PLEKHA8: variants seen among roughly 807,000 people sequenced by gnomAD.
PLEKHA8 encodes the protein pleckstrin homology domain-containing family A member 8.
PLEKHA8 carries 36 observed loss-of-function variants against 68.2 expected under a neutral mutation model. The observed-to-expected ratio is 0.53, with a 90% confidence interval of 0.40 to 0.70. The LOEUF (loss-of-function observed/expected upper bound fraction) is 0.70, where lower values mean the gene tolerates loss of function less well. Among genes scored for constraint, PLEKHA8 ranks in the 30% least tolerant of loss-of-function variants. PLEKHA8 has a pLI of 0.00. For missense variants in PLEKHA8, 505 were observed against 615.4 expected (o/e 0.82, Z 1.90); for synonymous variants, 211 against 216.1 (o/e 0.98, Z 0.20).
chr7:30,057,358 G>A (rs1017553725), intron 9 of PLEKHA8, among the ~76,000 whole-genome samples: 7 of 151,716 alleles, frequency 4.6e-5, no homozygotes, highest in South Asian at 4.1e-4. Flanking sequence ...TCAGTAGTTC[G>A]TTCCTTTTTA....
At chr7:30,110,821 T>G (rs1025276596) in intron 13 of PLEKHA8, among the ~76,000 whole-genome samples, 1 of 152,250 alleles carries the variant, frequency 6.6e-6, no homozygotes, top group Non-Finnish European at 1.5e-5. Context: ...TTTCATGTGC[T>G]TATTAGCAAT....
intron 13 of PLEKHA8, among the ~76,000 whole-genome samples, chr7:30,096,617 A>C (rs1467750190): frequency 6.6e-6 from 1 of 152,136 alleles, no homozygotes; most frequent in Non-Finnish European, 1.5e-5. Context: ...TTGTTGGTTT[A>C]AAGTCTGTTT....
chr7:30,050,316 G>T, intron 5 of PLEKHA8, 118 bp from the exon 6 acceptor site: 2 of 1,316,470 alleles, frequency 1.5e-6, no homozygotes, highest in South Asian at 1.6e-5. Context: ...TTGTTTAGTG[G>T]GGCTAGTGTA....
At chr7:30,036,305 G>A (rs758325862) in intron 1 of PLEKHA8, among the ~76,000 whole-genome samples, 7 of 152,056 alleles carry the variant, frequency 4.6e-5, no homozygotes, top group Non-Finnish European at 8.8e-5. Context: ...TAGATAGAGT[G>A]AGACTGTGTC....
intron 3 of PLEKHA8, 95 bp downstream of exon 3, chr7:30,046,460 G>T: frequency 1.4e-6 from 2 of 1,397,116 alleles, no homozygotes; most frequent in Non-Finnish European, 9.6e-7. Context: ...TGACCACCTA[G>T]CCAGCTTTTT....
chr7:30,115,881 C>T (rs998778459), intron 13 of PLEKHA8: 3 of 144,082 alleles, frequency 2.1e-5, no homozygotes, highest in Non-Finnish European at 4.6e-5. Context: ...TGTAGGCACG[C>T]ATACATGCGT....
At chr7:30,030,153 T>TC (rs1460726251) in intron 1 of PLEKHA8, among the ~76,000 whole-genome samples, 2 of 152,222 alleles carry the variant, frequency 1.3e-5, no homozygotes, top group Non-Finnish European at 2.9e-5. Flanking sequence ...CTGAGGTCTC[T>TC]CTAAGCTCTC....
intron 13 of PLEKHA8, chr7:30,115,966 ACATGTGCATG>A (rs1261322535): frequency 1.7e-4 from 22 of 133,014 alleles, no homozygotes; most frequent in African/African-American, 6.0e-4. Flanking sequence ...ATGCATGCAT[ACATGTGCATG>A]CATGCATGTA....
Position 30,056,557 on chromosome 7 carries a change from C to T in PLEKHA8, c.1039+1215C>T, listed in dbSNP as rs552650356. On this transcript the variant is annotated intron_variant, in intron 9 of 13. Transcript: ENST00000449726. ...CAGCCTGGCCAACATGGTAAAACCCCGTCTCTACTAAAAATACAAAAATTA... is the reference window on the plus strand; with the variant it reads ...CAGCCTGGCCAACATGGTAAAACCCTGTCTCTACTAAAAATACAAAAATTA... Among the ~76,000 whole-genome samples, 13 of 147,538 alleles carry T rather than the reference C, an allele frequency of 8.8e-5. No homozygotes were observed. The East Asian group carries it at 1.2e-3, about 14-fold the overall frequency.
At chr7:30,074,550 C>A (rs571703051) in intron 13 of PLEKHA8, among the ~76,000 whole-genome samples, 171 of 152,138 alleles carry the variant, frequency 1.1e-3, no homozygotes, top group African/African-American at 4.1e-3. Flanking sequence ...AGCAGAAGTA[C>A]GTAGGAAGCA....
At position 30,083,091 on chromosome 7, in the gene PLEKHA8, TA is replaced by T. The variant is rs1562539468; in HGVS notation, c.*4308del. ...AATTTTTAGATGTAGAGTTTATAAG[TA>T]AAATATATTTTTAGCCATTGTTCTG... On this transcript the variant is annotated 3_prime_UTR_variant, in exon 14 of 14. Coordinates refer to ENST00000449726, the MANE Select transcript of PLEKHA8 (RefSeq NM_001197026.2). 1.0e-6 allele frequency: 1 copy of T among 983,806 alleles called. No individual in the cohort carries two copies. The highest frequency in any genetic ancestry group is 4.7e-5 in the South Asian group (1 of 21,258). 60.9% of individuals were successfully genotyped at this position (983,806 alleles called of 1,614,324 possible).
chr7:30,070,664 G>A lies in PLEKHA8; in HGVS notation c.1301-3407G>A, dbSNP rs145681125. ...CAGGTTCAAGCAATTCTCTGCCTCA[G>A]TCTCCCGAGTAGCTGGGATTACGGG... On this transcript the variant is annotated intron_variant, in intron 12 of 13. Coordinates refer to ENST00000449726, the MANE Select transcript of PLEKHA8 (RefSeq NM_001197026.2). 4.9e-3 allele frequency among the ~76,000 whole-genome samples: 741 copies of A among 151,544 alleles called. 10 individuals are homozygous for A. The highest frequency in any genetic ancestry group is 0.017 in the African/African-American group (712 of 41,276).
rs1792224075 is a variant in PLEKHA8 at position 30,049,357 on chromosome 7, A to G, written c.572A>G (p.Gln191Arg). ...TACCGCACTCCACCAGGATCACCTCAGCTGGCCATGCTCAAGTCCAGCAAG... is the reference window on the plus strand; with the variant it reads ...TACCGCACTCCACCAGGATCACCTCGGCTGGCCATGCTCAAGTCCAGCAAG... ...LLYRTPPGSPQLAMLKSSKMK... is the reference protein window; with the variant it reads ...LLYRTPPGSPRLAMLKSSKMK... Residue 191 changes from glutamine (Q) to arginine (R), a missense_variant, in exon 5 of 14, where the codon CAG (glutamine) becomes CGG (arginine). By Grantham distance (43) the Gln-to-Arg change is conservative. Transcript: ENST00000449726. 3 of 1,614,128 alleles carry G rather than the reference A, an allele frequency of 1.9e-6. No individual in the cohort carries two copies. The highest frequency in any genetic ancestry group is 1.7e-6 in the Non-Finnish European group (2 of 1,179,988).
At chr7:30,062,274 C>G (rs1793503682) in intron 11 of PLEKHA8, among the ~76,000 whole-genome samples, 1 of 152,062 alleles carries the variant, frequency 6.6e-6, no homozygotes, top group South Asian at 2.1e-4. Flanking sequence ...ACTGGCTTCT[C>G]TTTAAATCAG....
chr7:30,083,815 C>T lies in PLEKHA8; in HGVS notation c.*5028C>T, dbSNP rs139875269. On this transcript the variant is annotated 3_prime_UTR_variant, in exon 14 of 14. Coordinates refer to ENST00000449726, the MANE Select transcript of PLEKHA8 (RefSeq NM_001197026.2). ...ATATTTAAAGTGTGGTCAGTATTTCCTCCCTGTACCTTACAAACAGAAACC... is the reference window on the plus strand; with the variant it reads ...ATATTTAAAGTGTGGTCAGTATTTCTTCCCTGTACCTTACAAACAGAAACC... The T allele has an allele frequency of 1.1e-4, 107 of 985,296 alleles. 1 individual carries two copies. The African/African-American group carries it at 1.7e-3, about 16-fold the overall frequency. The allele number at this position is 985,296 out of a possible 1,614,324, so 61.0% of individuals were successfully genotyped here.
intron 1 of PLEKHA8, among the ~76,000 whole-genome samples, chr7:30,035,686 C>T (rs1203646728): frequency 6.6e-6 from 1 of 151,902 alleles, no homozygotes; most frequent in African/African-American, 2.4e-5. Flanking sequence ...GCTCTGTCGC[C>T]CAGGCTGGAG....
intron 1 of PLEKHA8, among the ~76,000 whole-genome samples, chr7:30,040,420 A>T (rs907574342): frequency 1.8e-4 from 27 of 152,248 alleles, no homozygotes; most frequent in African/African-American, 6.5e-4. Context: ...AAGACCAAAG[A>T]AAAAAGAAAC....
rs757434070 is a variant in PLEKHA8 at position 30,050,447 on chromosome 7, T to C, written c.611T>C (p.Ile204Thr). 21 of 1,579,138 alleles carry C rather than the reference T, an allele frequency of 1.3e-5. No homozygotes were observed. Among genetic ancestry groups the C allele is most frequent in the Admixed American group, 1.9e-5 (1 of 52,330 alleles). Residue 204 changes from isoleucine to threonine, a missense_variant, in exon 6 of 14, where the codon ATT (isoleucine) becomes ACT (threonine). Transcript: ENST00000449726. ...CTTCTTTTAAAGATGAAACATCCTATTATACCAATTCATAATTCATTGGAA... is the reference window on the plus strand; with the variant it reads ...CTTCTTTTAAAGATGAAACATCCTACTATACCAATTCATAATTCATTGGAA... The part of the protein sequence containing the change: ...MLKSSKMKHP[I>T]IPIHNSLERQ...
At chr7:30,041,820 C>CT (rs906392213) in intron 1 of PLEKHA8, among the ~76,000 whole-genome samples, 16 of 151,326 alleles carry the variant, frequency 1.1e-4, no homozygotes, top group South Asian at 2.1e-4. Context: ...TTAGGACACT[C>CT]TTTTTTTTTC....
Sources: gnomAD v4.1 joint callset for allele counts (sites outside exome capture counted in the v4.1 genomes callset) on GRCh38, gnomAD v4.1.1 for gene constraint, MANE v1.5 for transcripts, NCBI Gene and HGNC (gene_info 2026-07-23, HGNC 2026-07-21) for gene names.